Variants in WDR70 observed in about 807,000 individuals in gnomAD.
WDR70 encodes the protein WD repeat-containing protein 70.
In WDR70, 53 loss-of-function variants were observed where a neutral mutation model predicts 88.6. That is an observed-to-expected ratio of 0.60 (90% CI 0.48 to 0.75). The LOEUF (loss-of-function observed/expected upper bound fraction) is 0.75. WDR70 is among the 30% of genes least tolerant of loss of function. WDR70 has a pLI of 0.00. For synonymous variants in WDR70, 280 were observed against 270.0 expected, an observed-to-expected ratio of 1.04 and a Z score of -0.36; for missense variants, 610 against 823.2, an observed-to-expected ratio of 0.74 and a Z score of 3.17.
intron 10 of WDR70, among the ~76,000 whole-genome samples, chr5:37,671,922 T>C (rs1002648136): frequency 6.6e-6 from 1 of 152,174 alleles, no homozygotes; most frequent in South Asian, 2.1e-4. Flanking sequence ...ATCAGACTGT[T>C]ACTGTGTCTA....
At chr5:37,550,090 C>G in intron 9 of WDR70, among the ~76,000 whole-genome samples, 1 of 152,084 alleles carries the variant, frequency 6.6e-6, no homozygotes, top group East Asian at 1.9e-4. Context: ...GTCTTGAACT[C>G]CTCGCCTCAA....
chr5:37,518,799 A>G (rs912938484), intron 9 of WDR70, among the ~76,000 whole-genome samples: 3 of 151,690 alleles, frequency 2.0e-5, no homozygotes, highest in African/African-American at 4.8e-5. Context: ...CACGTGAACA[A>G]AGTTCTCTGG....
At chr5:37,508,014 A>G (rs1291897509) in intron 8 of WDR70, among the ~76,000 whole-genome samples, 2 of 152,046 alleles carry the variant, frequency 1.3e-5, no homozygotes, top group African/African-American at 2.4e-5. Flanking sequence ...TTGACATTGA[A>G]TGTGAATGTG....
chr5:37,387,138 T>C (rs1748645277), intron 3 of WDR70, among the ~76,000 whole-genome samples: 2 of 151,422 alleles, frequency 1.3e-5, no homozygotes, highest in African/African-American at 2.4e-5. Flanking sequence ...TGGAAAGAGC[T>C]TGGGATTTTT....
chr5:37,571,064 T>C (rs1266665820), intron 9 of WDR70, among the ~76,000 whole-genome samples: 2 of 152,178 alleles, frequency 1.3e-5, no homozygotes, highest in Non-Finnish European at 2.9e-5. Flanking sequence ...TTATTCTTAA[T>C]GTTCCACACA....
chr5:37,407,151 A>G (rs1456811304), intron 5 of WDR70, among the ~76,000 whole-genome samples: 2 of 152,060 alleles, frequency 1.3e-5, no homozygotes, highest in South Asian at 4.1e-4. Context: ...ACAGAGTGAG[A>G]CTGTCTCAAA....
chr5:37,690,973 G>C (rs1746776510), intron 10 of WDR70, among the ~76,000 whole-genome samples: 1 of 152,142 alleles, frequency 6.6e-6, no homozygotes, highest in Non-Finnish European at 1.5e-5. Flanking sequence ...CTGTATTCAG[G>C]AGACCCATCT....
intron 13 of WDR70, among the ~76,000 whole-genome samples, chr5:37,709,852 C>A (rs779795559): frequency 2.0e-5 from 3 of 151,670 alleles, no homozygotes; most frequent in Non-Finnish European, 4.4e-5. Context: ...AAACTTAAAT[C>A]TTTTTGGGGA....
rs140359527 is a variant in WDR70, at chr5:37,637,680, C to T, written c.1092+32442C>T. ...TATACATGACTCAGCTTTTGAGAGT[C>T]ACCACCTGGAAGACAATCACGTCTC... On this transcript the variant is annotated intron_variant, in intron 10 of 17. Transcript: ENST00000265107. 6.3e-3 allele frequency among the ~76,000 whole-genome samples: 956 copies of T among 152,266 alleles called. 10 individuals are homozygous for T. The highest frequency in any genetic ancestry group is 0.022 in the African/African-American group (907 of 41,568).
intron 9 of WDR70, among the ~76,000 whole-genome samples, chr5:37,566,812 G>T (rs1742754227): frequency 6.6e-6 from 1 of 152,128 alleles, no homozygotes; most frequent in South Asian, 2.1e-4. Context: ...AATATTTTTT[G>T]ACATTTGCAC....
At chr5:37,669,392 C>A (rs1426674510) in intron 10 of WDR70, among the ~76,000 whole-genome samples, 1 of 105,130 alleles carries the variant, frequency 9.5e-6, no homozygotes, top group African/African-American at 4.4e-5. Flanking sequence ...ACATAATTAT[C>A]TTTTTTTTAA....
At position 37,735,481 on chromosome 5, in the gene WDR70, G is replaced by A. The variant is rs772227975; in HGVS notation, c.1877+8436G>A. On this transcript the variant is annotated intron_variant, in intron 17 of 17. Transcript: ENST00000265107. ...GTTCTCTTGATCCCTAACCTAATGAGCTTTGCAGAGGACTGCACTCTCTTC... is the reference window on the plus strand; with the variant it reads ...GTTCTCTTGATCCCTAACCTAATGAACTTTGCAGAGGACTGCACTCTCTTC... Among the ~76,000 whole-genome samples, 30 of 152,086 alleles carry A rather than the reference G, an allele frequency of 2.0e-4. 1 individual carries two copies. Among genetic ancestry groups the A allele is most frequent in the Non-Finnish European group, 1.9e-4 (13 of 68,012 alleles).
intron 10 of WDR70, among the ~76,000 whole-genome samples, chr5:37,637,272 C>T (rs558504452): frequency 5.9e-5 from 9 of 151,360 alleles, no homozygotes; most frequent in East Asian, 3.9e-4. Flanking sequence ...ACCTGAGAGG[C>T]GAAGTTTGCA....
At chr5:37,592,556 T>G (rs1743562359) in intron 9 of WDR70, among the ~76,000 whole-genome samples, 1 of 152,244 alleles carries the variant, frequency 6.6e-6, no homozygotes, top group East Asian at 1.9e-4. Context: ...AGTGGCAGAC[T>G]GAATGAACTG....
At chr5:37,585,001 T>G (rs895309932) in intron 9 of WDR70, among the ~76,000 whole-genome samples, 1 of 149,282 alleles carries the variant, frequency 6.7e-6, no homozygotes, top group Non-Finnish European at 1.5e-5. Context: ...TGTCCACTTT[T>G]TTTTTTGGAG....
intron 5 of WDR70, among the ~76,000 whole-genome samples, chr5:37,401,706 C>T (rs1749200439): frequency 6.6e-6 from 1 of 152,172 alleles, no homozygotes; most frequent in Non-Finnish European, 1.5e-5. Context: ...CATCCTGCCA[C>T]CTTGACTTTC....
At chr5:37,448,546 A>G (rs1409353892) in intron 7 of WDR70, among the ~76,000 whole-genome samples, 2 of 152,208 alleles carry the variant, frequency 1.3e-5, no homozygotes, top group East Asian at 3.8e-4. Context: ...TTTCAATTTC[A>G]AAATATTTAG....
rs569851053 is a variant in WDR70 at position 37,579,985 on chromosome 5, C to T, written c.918-25079C>T. Among the ~76,000 whole-genome samples, 41 of 152,224 alleles carry T rather than the reference C, an allele frequency of 2.7e-4. No homozygotes were observed. The South Asian group carries it at 7.3e-3, about 27-fold the overall frequency. On this transcript the variant is annotated intron_variant, in intron 9 of 17. Coordinates refer to ENST00000265107, the MANE Select transcript of WDR70 (RefSeq NM_018034.4). ...TCTTATTGATTCATTAGAGGTCATA[C>T]GCTTCTTGGAAAAACATTTGCTTCT...
chr5:37,478,410 G>A (rs1349619660), intron 7 of WDR70, among the ~76,000 whole-genome samples: 1 of 152,176 alleles, frequency 6.6e-6, no homozygotes, highest in Non-Finnish European at 1.5e-5. Context: ...TACAGCATCA[G>A]ATTCTCATTT....
Sources: allele counts gnomAD v4.1 joint callset (sites outside exome capture counted in the v4.1 genomes callset), GRCh38; gene constraint gnomAD v4.1.1; transcripts MANE v1.5; gene names NCBI Gene and HGNC (gene_info 2026-07-23, HGNC 2026-07-21).